HEMK2: variants seen among roughly 807,000 people sequenced by gnomAD.
HEMK2 encodes methyltransferase HEMK2.
chr21:28,722,303 A>G, the HEMK2 span, among the ~76,000 whole-genome samples: 1 of 152,206 alleles, frequency 6.6e-6, no homozygotes, highest in African/African-American at 2.4e-5. Context: ...GAGAAGAGAT[A>G]GCATACAGTG....
chr21:28,723,817 T>C, the HEMK2 span, among the ~76,000 whole-genome samples: 1 of 152,238 alleles, frequency 6.6e-6, no homozygotes, highest in East Asian at 1.9e-4. Flanking sequence ...ATTCAGCTTC[T>C]TTCCAGCTCA....
At chr21:28,636,001 A>G in the HEMK2 span, among the ~76,000 whole-genome samples, 2 of 152,142 alleles carry the variant, frequency 1.3e-5, no homozygotes, top group African/African-American at 4.8e-5. Flanking sequence ...ACCCCGTTGC[A>G]TTGCTTTATT....
chr21:28,716,840 C>T, the HEMK2 span, among the ~76,000 whole-genome samples: 1 of 152,128 alleles, frequency 6.6e-6, no homozygotes, highest in African/African-American at 2.4e-5. Context: ...TATGAAAAAG[C>T]TTTTCTGTGT....
At chr21:28,876,408 C>A in the HEMK2 span, 3 of 1,610,620 alleles carry the variant, frequency 1.9e-6, no homozygotes, top group Non-Finnish European at 2.5e-6. Flanking sequence ...AACTTGAGGA[C>A]TGAAAGAGTT....
chr21:28,695,473 A>AAG, the HEMK2 span, among the ~76,000 whole-genome samples: 1 of 152,160 alleles, frequency 6.6e-6, no homozygotes, highest in Admixed American at 6.5e-5. Context: ...AGGCCTCACA[A>AAG]TCATGGTGGA....
At chr21:28,781,826 G>C in the HEMK2 span, among the ~76,000 whole-genome samples, 1 of 152,118 alleles carries the variant, frequency 6.6e-6, no homozygotes, top group Admixed American at 6.5e-5. Flanking sequence ...ATACTGTCTG[G>C]CCCAATGTCA....
chr21:28,862,399 GGAGGCC>G, the HEMK2 span, among the ~76,000 whole-genome samples: 1 of 121,364 alleles, frequency 8.2e-6, no homozygotes, highest in Non-Finnish European at 1.7e-5. Flanking sequence ...CAGCACTTTG[GGAGGCC>G]GAGGCGGGTG....
At chr21:28,655,332 G>T in the HEMK2 span, among the ~76,000 whole-genome samples, 1 of 152,026 alleles carries the variant, frequency 6.6e-6, no homozygotes, top group African/African-American at 2.4e-5. Context: ...GTGGTTAGCT[G>T]CCTGAGGTAA....
chr21:28,684,132 A>T, the HEMK2 span, among the ~76,000 whole-genome samples: 1 of 152,198 alleles, frequency 6.6e-6, no homozygotes, highest in South Asian at 2.1e-4. Flanking sequence ...GCAGACCACA[A>T]ATTTGGCAGA....
the HEMK2 span, chr21:28,882,197 C>G: frequency 1.3e-6 from 2 of 1,592,934 alleles, no homozygotes; most frequent in South Asian, 2.3e-5. Flanking sequence ...AACTTTGTTA[C>G]AGCGTGCTGT....
At chr21:28,851,370 G>T in the HEMK2 span, among the ~76,000 whole-genome samples, 1 of 152,088 alleles carries the variant, frequency 6.6e-6, no homozygotes, top group Non-Finnish European at 1.5e-5. Flanking sequence ...ACCTTCTCTT[G>T]TTCTGGACCC....
chr21:28,806,285 AG>A, the HEMK2 span, among the ~76,000 whole-genome samples: 1 of 152,198 alleles, frequency 6.6e-6, no homozygotes, highest in African/African-American at 2.4e-5. Flanking sequence ...TAAATCTACA[AG>A]GCAATAGTTT....
chr21:28,654,967 C>T, the HEMK2 span, among the ~76,000 whole-genome samples: 60 of 152,026 alleles, frequency 3.9e-4, no homozygotes, highest in African/African-American at 1.1e-3. Context: ...TTGTCTTTTA[C>T]GCTCACCACT....
the HEMK2 span, among the ~76,000 whole-genome samples, chr21:28,814,110 G>A: frequency 6.6e-6 from 1 of 152,024 alleles, no homozygotes; most frequent in Non-Finnish European, 1.5e-5. Context: ...GGTGGTGCAC[G>A]CCTGTAGTCC....
the HEMK2 span, among the ~76,000 whole-genome samples, chr21:28,649,208 T>C: frequency 6.6e-6 from 1 of 151,990 alleles, no homozygotes; most frequent in African/African-American, 2.4e-5. Context: ...TTTCCTTGCT[T>C]TTCCCCTCTC....
the HEMK2 span, among the ~76,000 whole-genome samples, chr21:28,867,416 G>A: frequency 4.6e-5 from 7 of 152,174 alleles, no homozygotes; most frequent in East Asian, 1.2e-3. Context: ...ATCACCAAGG[G>A]CAAGTGAAAA....
the HEMK2 span, among the ~76,000 whole-genome samples, chr21:28,699,593 T>C: frequency 1.3e-5 from 2 of 152,332 alleles, no homozygotes; most frequent in South Asian, 4.1e-4. Flanking sequence ...AAAAATAAAA[T>C]TGCATTCACT....
the HEMK2 span, among the ~76,000 whole-genome samples, chr21:28,831,734 GGAAA>G: frequency 2.7e-3 from 37 of 13,660 alleles, 1 homozygote; most frequent in South Asian, 8.8e-3. Flanking sequence ...AAGGAAGGAA[GGAAA>G]GAAAGAAAGA....
At chr21:28,792,856 G>T in the HEMK2 span, among the ~76,000 whole-genome samples, 1 of 152,046 alleles carries the variant, frequency 6.6e-6, no homozygotes, top group African/African-American at 2.4e-5. Context: ...TTCAGCATTT[G>T]CTCCCAATGC....
Sources: allele counts gnomAD v4.1 joint callset (sites outside exome capture counted in the v4.1 genomes callset), GRCh38; gene constraint gnomAD v4.1.1; transcripts MANE v1.5; gene names NCBI Gene and HGNC (gene_info 2026-07-23, HGNC 2026-07-21).